Variants in DTWD2 observed in about 807,000 individuals in gnomAD.
DTWD2 encodes tRNA-uridine aminocarboxypropyltransferase 2.
In DTWD2, 39 loss-of-function variants were observed where a neutral mutation model predicts 31.8. The observed-to-expected ratio is 1.22, with a 90% CI of 0.95 to 1.60. The LOEUF (loss-of-function observed/expected upper bound fraction) is 1.60, where lower values mean the gene tolerates loss of function less well. Ranked by LOEUF, DTWD2 falls within the 40% of genes most tolerant of loss-of-function variation. The pLI is 0.00. For synonymous variants in DTWD2, 180 were observed against 142.8 expected (o/e 1.26, Z -1.86); for missense variants, 515 against 381.5 (o/e 1.35, Z -2.92).
intron 4 of DTWD2, among the ~76,000 whole-genome samples, chr5:118,872,074 T>C (rs191575061): frequency 6.6e-6 from 1 of 152,190 alleles, no homozygotes; most frequent in Non-Finnish European, 1.5e-5. Flanking sequence ...CAACCACTGA[T>C]AGCTTCAAAC....
At chr5:118,933,697 A>G (rs1753974934) in intron 3 of DTWD2, among the ~76,000 whole-genome samples, 1 of 152,144 alleles carries the variant, frequency 6.6e-6, no homozygotes, top group African/African-American at 2.4e-5. Flanking sequence ...CTAGCATTAT[A>G]CGTAATTGTT....
At chr5:118,931,754 T>C (rs1426400805) in intron 3 of DTWD2, among the ~76,000 whole-genome samples, 1 of 152,182 alleles carries the variant, frequency 6.6e-6, no homozygotes, top group Non-Finnish European at 1.5e-5. Flanking sequence ...AATTGATATT[T>C]ATAGAATAGT....
At chr5:118,931,046 A>C (rs1753911547) in intron 3 of DTWD2, among the ~76,000 whole-genome samples, 1 of 152,118 alleles carries the variant, frequency 6.6e-6, no homozygotes, top group Non-Finnish European at 1.5e-5. Flanking sequence ...ATTACATCTC[A>C]ATAAAGCCCT....
intron 5 of DTWD2, among the ~76,000 whole-genome samples, chr5:118,841,683 A>C (rs1482268628): frequency 6.6e-6 from 1 of 152,194 alleles, no homozygotes; most frequent in Non-Finnish European, 1.5e-5. Context: ...AGAAACACGT[A>C]AACTGGGTGG....
chr5:118,985,485 C>T (rs973558716), intron 1 of DTWD2, among the ~76,000 whole-genome samples: 14 of 38,278 alleles, frequency 3.7e-4, no homozygotes, highest in Admixed American at 2.4e-3. Context: ...TGCTTATGTG[C>T]ATTTTTATAT....
intron 4 of DTWD2, among the ~76,000 whole-genome samples, chr5:118,925,076 T>C (rs1245201993): frequency 6.6e-6 from 1 of 152,180 alleles, no homozygotes. Flanking sequence ...ATAAAAACTA[T>C]AAAGAATTTA....
chr5:118,964,773 G>A (rs147347139), intron 1 of DTWD2, among the ~76,000 whole-genome samples: 23,305 of 152,118 alleles, frequency 0.15, 1,917 homozygotes, highest in Middle Eastern at 0.23. Flanking sequence ...GTGCAGTGGC[G>A]TGATCTCGGC....
At chr5:118,894,541 A>G (rs1753040851) in intron 4 of DTWD2, among the ~76,000 whole-genome samples, 1 of 152,144 alleles carries the variant, frequency 6.6e-6, no homozygotes, top group Non-Finnish European at 1.5e-5. Flanking sequence ...ACCCAAAAAT[A>G]TACTCACACA....
chr5:118,914,241 A>G (rs1454109165), intron 4 of DTWD2, among the ~76,000 whole-genome samples: 1 of 152,218 alleles, frequency 6.6e-6, no homozygotes, highest in Non-Finnish European at 1.5e-5. Context: ...CCTCATGAAT[A>G]GATTAATACC....
At chr5:118,951,704 G>A (rs1393281935) in intron 1 of DTWD2, among the ~76,000 whole-genome samples, 1 of 152,156 alleles carries the variant, frequency 6.6e-6, no homozygotes, top group East Asian at 1.9e-4. Flanking sequence ...AGGAGGAATG[G>A]AGGGTGGAAG....
At chr5:118,984,734 A>T (rs1392777121) in intron 1 of DTWD2, among the ~76,000 whole-genome samples, 1 of 152,140 alleles carries the variant, frequency 6.6e-6, no homozygotes, top group African/African-American at 2.4e-5. Context: ...ACAGGTTTTA[A>T]AACATGCTGT....
chr5:118,896,826 C>A (rs1753093717), intron 4 of DTWD2, among the ~76,000 whole-genome samples: 1 of 152,152 alleles, frequency 6.6e-6, no homozygotes, highest in Non-Finnish European at 1.5e-5. Context: ...TGTAGGCATT[C>A]CAGTCAATGG....
intron 4 of DTWD2, among the ~76,000 whole-genome samples, chr5:118,887,000 T>C (rs1002778251): frequency 3.9e-5 from 6 of 152,200 alleles, no homozygotes; most frequent in Non-Finnish European, 8.8e-5. Flanking sequence ...TTATCTATTT[T>C]ACAATGTGTT....
At chr5:118,881,723 G>A (rs1164547802) in intron 4 of DTWD2, among the ~76,000 whole-genome samples, 1 of 152,042 alleles carries the variant, frequency 6.6e-6, no homozygotes, top group African/African-American at 2.4e-5. Context: ...GAGAGAGAGA[G>A]CACAATAGAA....
chr5:118,914,845 CA>C, intron 4 of DTWD2, among the ~76,000 whole-genome samples: 1 of 152,120 alleles, frequency 6.6e-6, no homozygotes, highest in East Asian at 1.9e-4. Flanking sequence ...GGAGTAAGGC[CA>C]TTTGGCTAGC....
intron 4 of DTWD2, among the ~76,000 whole-genome samples, chr5:118,916,080 A>C (rs1753569750): frequency 6.6e-6 from 1 of 152,206 alleles, no homozygotes; most frequent in Non-Finnish European, 1.5e-5. Context: ...ACATTTCAGA[A>C]ACTTGAGAAA....
intron 5 of DTWD2, among the ~76,000 whole-genome samples, chr5:118,846,336 T>C (rs1013085402): frequency 6.6e-6 from 1 of 152,122 alleles, no homozygotes; most frequent in South Asian, 2.1e-4. Context: ...CAACCACTAT[T>C]ACCATAACCA....
intron 1 of DTWD2, among the ~76,000 whole-genome samples, chr5:118,951,840 A>T (rs1388608273): frequency 6.6e-6 from 1 of 152,206 alleles, no homozygotes; most frequent in Non-Finnish European, 1.5e-5. Context: ...GGATCAAGGC[A>T]GGCGTCCCCA....
At chr5:118,925,106 C>G (rs1269057993) in intron 4 of DTWD2, among the ~76,000 whole-genome samples, 1 of 152,180 alleles carries the variant, frequency 6.6e-6, no homozygotes, top group East Asian at 1.9e-4. Flanking sequence ...CCTCAGAAGT[C>G]AGGGTTCCAT....
Sources: allele counts gnomAD v4.1 joint callset (sites outside exome capture counted in the v4.1 genomes callset), GRCh38; gene constraint gnomAD v4.1.1; transcripts MANE v1.5; gene names NCBI Gene and HGNC (gene_info 2026-07-23, HGNC 2026-07-21).